The following NCKAP5 variants were observed in gnomAD, a reference collection of about 807,000 sequenced individuals.
NCKAP5 encodes NCK associated protein 5, also known as nck-associated protein 5.
Under a neutral mutation model 167.0 loss-of-function variants are expected in NCKAP5, and 92 were observed. The ratio of observed to expected loss-of-function variants is 0.55; its 90% CI spans 0.47 to 0.66. The LOEUF is 0.66. Ranked by LOEUF, NCKAP5 falls within the 30% of genes least tolerant of loss-of-function variation. The pLI, the probability that NCKAP5 is intolerant of heterozygous loss-of-function variation, is 0.00. For missense variants in NCKAP5, 2,378 were observed against 2,315.0 expected (o/e 1.03, Z -0.56); for synonymous variants, 891 against 877.4 (o/e 1.02, Z -0.27).
chr2:133,409,637 C>T (rs1367256652), intron 3 of NCKAP5, among the ~76,000 whole-genome samples: 2 of 151,966 alleles, frequency 1.3e-5, no homozygotes, highest in African/African-American at 2.4e-5. Flanking sequence ...GGTTAGGGTT[C>T]GTCATGGGCT....
chr2:133,521,088 C>T (rs1369256060), intron 2 of NCKAP5, among the ~76,000 whole-genome samples: 1 of 152,154 alleles, frequency 6.6e-6, no homozygotes, highest in Non-Finnish European at 1.5e-5. Flanking sequence ...GAAAAGGAAC[C>T]TGATTAACAA....
chr2:133,385,779 G>T (rs999968400), intron 3 of NCKAP5, among the ~76,000 whole-genome samples: 2 of 152,068 alleles, frequency 1.3e-5, no homozygotes, highest in African/African-American at 4.8e-5. Flanking sequence ...GTCTTGGGAG[G>T]GTGTATGTGT....
chr2:133,193,398 T>C (rs763893640), intron 5 of NCKAP5, among the ~76,000 whole-genome samples: 29 of 152,026 alleles, frequency 1.9e-4, no homozygotes, highest in Admixed American at 4.6e-4. Flanking sequence ...GGGAGGAAAT[T>C]GGGTAAAGGG....
chr2:133,220,432 T>G (rs1043483537), intron 4 of NCKAP5, among the ~76,000 whole-genome samples: 3 of 152,232 alleles, frequency 2.0e-5, no homozygotes, highest in African/African-American at 7.2e-5. Flanking sequence ...GAAACAGAGC[T>G]ACTCTTCTTA....
intron 6 of NCKAP5, among the ~76,000 whole-genome samples, chr2:132,999,682 A>G (rs1380113568): frequency 6.6e-6 from 1 of 152,202 alleles, no homozygotes; most frequent in Non-Finnish European, 1.5e-5. Flanking sequence ...GCTCCAAGCT[A>G]CATTAGAAGC....
intron 5 of NCKAP5, among the ~76,000 whole-genome samples, chr2:133,168,579 C>T (rs546811127): frequency 1.5e-4 from 23 of 152,184 alleles, no homozygotes; most frequent in African/African-American, 5.1e-4. Context: ...GAGAGCCCAC[C>T]TCCTCTTTCG....
intron 11 of NCKAP5, among the ~76,000 whole-genome samples, chr2:132,797,235 T>C (rs977114785): frequency 6.6e-6 from 1 of 152,182 alleles, no homozygotes; most frequent in Admixed American, 6.5e-5. Context: ...ATGTCATCTG[T>C]TAGGAACAAT....
intron 6 of NCKAP5, among the ~76,000 whole-genome samples, chr2:133,078,469 A>T (rs2149583353): frequency 6.6e-6 from 1 of 152,238 alleles, no homozygotes; most frequent in African/African-American, 2.4e-5. Context: ...TGTCAGAGCC[A>T]ACTCTGCATG....
At chr2:133,445,502 A>G (rs1691137236) in intron 3 of NCKAP5, among the ~76,000 whole-genome samples, 1 of 152,224 alleles carries the variant, frequency 6.6e-6, no homozygotes, top group Admixed American at 6.5e-5. Flanking sequence ...CAAAAATCCC[A>G]GAACCCCTGA....
the NCKAP5 span, among the ~76,000 whole-genome samples, chr2:133,615,720 C>T: frequency 6.6e-6 from 1 of 152,168 alleles, no homozygotes; most frequent in Non-Finnish European, 1.5e-5. Context: ...TAACACCCCA[C>T]TGTCAACATT....
intron 3 of NCKAP5, among the ~76,000 whole-genome samples, chr2:133,345,232 A>C (rs1236347415): frequency 3.3e-5 from 5 of 152,096 alleles, no homozygotes; most frequent in Non-Finnish European, 7.4e-5. Flanking sequence ...GGAAGTGAGG[A>C]GCGCCTTTGC....
chr2:133,137,078 A>T (rs1294365535), intron 5 of NCKAP5, among the ~76,000 whole-genome samples: 1 of 152,220 alleles, frequency 6.6e-6, no homozygotes, highest in Admixed American at 6.5e-5. Context: ...TATGAAATGG[A>T]TCTAAATTAA....
chr2:133,547,606 C>G (rs966551698), intron 2 of NCKAP5, among the ~76,000 whole-genome samples: 1 of 151,258 alleles, frequency 6.6e-6, no homozygotes, highest in Admixed American at 6.6e-5. Flanking sequence ...AGGCACCCCC[C>G]AGCAGGGGCA....
At chr2:133,505,749 T>G (rs1290731525) in intron 3 of NCKAP5, among the ~76,000 whole-genome samples, 1 of 152,164 alleles carries the variant, frequency 6.6e-6, no homozygotes, top group Non-Finnish European at 1.5e-5. Flanking sequence ...GGGCATCTAT[T>G]TCCACTGTGC....
chr2:133,661,490 G>C, the NCKAP5 span, among the ~76,000 whole-genome samples: 1,771 of 152,252 alleles, frequency 0.012, 34 homozygotes, highest in African/African-American at 0.04. Flanking sequence ...AAAACACAGA[G>C]TCAGTTTCTT....
chr2:133,213,502 T>C (rs2086294676), intron 5 of NCKAP5, among the ~76,000 whole-genome samples: 1 of 152,210 alleles, frequency 6.6e-6, no homozygotes, highest in South Asian at 2.1e-4. Flanking sequence ...GAACATCTTA[T>C]TTAAAGCCTC....
intron 16 of NCKAP5, among the ~76,000 whole-genome samples, chr2:132,743,229 C>T (rs1679355518): frequency 6.6e-6 from 1 of 151,744 alleles, no homozygotes; most frequent in Non-Finnish European, 1.5e-5. Context: ...AGATGGAATA[C>T]AAACATAGCC....
At chr2:132,820,290 T>C (rs1558819813) in intron 11 of NCKAP5, among the ~76,000 whole-genome samples, 1 of 151,916 alleles carries the variant, frequency 6.6e-6, no homozygotes, top group Non-Finnish European at 1.5e-5. Flanking sequence ...AGTGTGGTGG[T>C]GCAATCTCAG....
At chr2:133,471,495 G>C (rs1013989898) in intron 3 of NCKAP5, among the ~76,000 whole-genome samples, 1 of 152,056 alleles carries the variant, frequency 6.6e-6, no homozygotes, top group Non-Finnish European at 1.5e-5. Context: ...TAGAGCCATT[G>C]CTAGGTTTTC....
Sources: gnomAD v4.1 joint callset for allele counts (sites outside exome capture counted in the v4.1 genomes callset) on GRCh38, gnomAD v4.1.1 for gene constraint, MANE v1.5 for transcripts, NCBI Gene and HGNC (gene_info 2026-07-23, HGNC 2026-07-21) for gene names.